The following ROR2 variants were observed in gnomAD, a reference collection of about 807,000 sequenced individuals.
ROR2 encodes the protein ROR family WNT receptor 2.
Under a neutral mutation model 74.9 loss-of-function variants are expected in ROR2, and 33 were observed. The observed-to-expected ratio is 0.44, with a 90% CI of 0.33 to 0.59. The LOEUF (loss-of-function observed/expected upper bound fraction) is 0.59, where lower values mean the gene tolerates loss of function less well. ROR2 is among the 20% of genes least tolerant of loss of function. The pLI, the probability that ROR2 is intolerant of heterozygous loss-of-function variation, is 0.02. For synonymous variants in ROR2, 586 were observed against 558.7 expected, an observed-to-expected ratio of 1.05 and a Z score of -0.69; for missense variants, 1,216 against 1,313.8, an observed-to-expected ratio of 0.93 and a Z score of 1.15.
rs553272801 is a variant in ROR2, at chr9:91,817,721, T to C, written c.98-41903A>G. Among the ~76,000 whole-genome samples the C allele has an allele frequency of 3.3e-5, 5 of 152,290 alleles. No homozygotes were observed. The East Asian group carries it at 5.8e-4, about 18-fold the overall frequency. On this transcript the variant is annotated intron_variant, in intron 1 of 8. Coordinates refer to ENST00000375708, the MANE Select transcript of ROR2 (RefSeq NM_004560.4). ...GCCACCTCGCCAATATGAGGCCCCA[T>C]CTGGTATCCATGGGAACGGAAAGAA...
chr9:91,868,341 T>TG (rs1829701804), intron 1 of ROR2, among the ~76,000 whole-genome samples: 1 of 152,114 alleles, frequency 6.6e-6, no homozygotes, highest in Admixed American at 6.5e-5. Context: ...AGATCACTTC[T>TG]GTGGGACAAA....
At chr9:91,900,800 T>C (rs1212488614) in intron 1 of ROR2, among the ~76,000 whole-genome samples, 1 of 152,146 alleles carries the variant, frequency 6.6e-6, no homozygotes, top group Non-Finnish European at 1.5e-5. Context: ...AACAGAGGCA[T>C]AGGTTCCAGC....
Position 91,722,646 on chromosome 9 carries a change from A to C in ROR2, c.*1016T>G, listed in dbSNP as rs1135169. 61,085 of 779,484 alleles carry C rather than the reference A, an allele frequency of 0.078. 2,935 individuals are homozygous for C. Among genetic ancestry groups the C allele is most frequent in the East Asian group, 0.14 (5,880 of 41,220 alleles). 48.3% of individuals were successfully genotyped at this position (779,484 alleles called of 1,614,324 possible). A position where few individuals can be genotyped will look rare whatever the true frequency, so the allele number is the denominator to read the frequency against. On this transcript the variant is annotated 3_prime_UTR_variant, in exon 9 of 9. Transcript: ENST00000375708. ...GATACACCGGGTGTGGGATTTACAA[A>C]TAGGACCAACAATGTGTGCGGGGCA...
intron 4 of ROR2, among the ~76,000 whole-genome samples, chr9:91,743,254 A>G (rs1825305175): frequency 2.6e-5 from 4 of 152,198 alleles, no homozygotes; most frequent in South Asian, 4.1e-4. Flanking sequence ...ACTCTGATAC[A>G]AATATCTAAC....
intron 2 of ROR2, among the ~76,000 whole-genome samples, chr9:91,759,707 T>A (rs1050550706): frequency 3.3e-5 from 5 of 152,106 alleles, no homozygotes; most frequent in Admixed American, 2.6e-4. Flanking sequence ...AGACTAGCAT[T>A]GAAAAGAATA....
rs1564225516 is a variant in ROR2, at chr9:91,722,879, CAT to C, written c.*781_*782del. 1.3e-5 allele frequency: 6 copies of C among 465,814 alleles called. No individual in the cohort carries two copies. The highest frequency in any genetic ancestry group is 2.3e-5 in the Non-Finnish European group (6 of 256,770). The allele number at this position is 465,814 out of a possible 1,614,324, so 28.9% of individuals were successfully genotyped here. ...ATATAAATTACATTTAAGCTCTGTA[CAT>C]GATTCTTAACAAAAATAACAATACC... On this transcript the variant is annotated 3_prime_UTR_variant, in exon 9 of 9. Coordinates refer to ENST00000375708, the MANE Select transcript of ROR2 (RefSeq NM_004560.4).
chr9:91,889,827 T>C (rs1419624792), intron 1 of ROR2, among the ~76,000 whole-genome samples: 2 of 152,054 alleles, frequency 1.3e-5, no homozygotes, highest in Admixed American at 6.6e-5. Context: ...GAGGGAGAAA[T>C]GATATTGTTT....
chr9:91,901,108 G>T (rs111398334), intron 1 of ROR2, among the ~76,000 whole-genome samples: 2 of 152,284 alleles, frequency 1.3e-5, no homozygotes, highest in African/African-American at 4.8e-5. Flanking sequence ...CTAGAGAAAA[G>T]AACTGTCTTG....
intron 1 of ROR2, among the ~76,000 whole-genome samples, chr9:91,849,288 G>C (rs1259031726): frequency 1.3e-5 from 2 of 152,200 alleles, no homozygotes; most frequent in African/African-American, 2.4e-5. Context: ...ATCAATCCAG[G>C]GGTGAGGAAA....
intron 2 of ROR2, among the ~76,000 whole-genome samples, chr9:91,769,898 C>A (rs768428887): frequency 6.6e-6 from 1 of 152,166 alleles, no homozygotes; most frequent in African/African-American, 2.4e-5. Flanking sequence ...AGACTCTGAG[C>A]GCCCAGCATG....
intron 2 of ROR2, among the ~76,000 whole-genome samples, chr9:91,774,939 G>A (rs534180719): frequency 1.3e-5 from 2 of 152,158 alleles, no homozygotes; most frequent in African/African-American, 2.4e-5. Context: ...CGGTTTCAGC[G>A]GGGCCTCCAT....
At chr9:91,846,580 G>C (rs1364942292) in intron 1 of ROR2, among the ~76,000 whole-genome samples, 1 of 152,154 alleles carries the variant, frequency 6.6e-6, no homozygotes, top group Non-Finnish European at 1.5e-5. Flanking sequence ...TTTCTGCAGA[G>C]AATTGAAGGT....
intron 1 of ROR2, among the ~76,000 whole-genome samples, chr9:91,871,946 C>T (rs1238947208): frequency 1.3e-5 from 2 of 152,076 alleles, no homozygotes; most frequent in African/African-American, 4.8e-5. Flanking sequence ...AGCATCTTAC[C>T]GCAGCCAGCA....
chr9:91,946,254 C>T (rs890506504), intron 1 of ROR2, among the ~76,000 whole-genome samples: 5 of 151,990 alleles, frequency 3.3e-5, no homozygotes, highest in Non-Finnish European at 7.3e-5. Flanking sequence ...ACCTTACATG[C>T]TTGGTATTCT....
intron 2 of ROR2, among the ~76,000 whole-genome samples, chr9:91,772,738 C>T (rs914518356): frequency 6.6e-6 from 1 of 152,164 alleles, no homozygotes; most frequent in Admixed American, 6.5e-5. Flanking sequence ...TGGGAACGCA[C>T]TGAACACACA....
intron 1 of ROR2, among the ~76,000 whole-genome samples, chr9:91,861,469 G>A (rs1829466706): frequency 6.6e-6 from 1 of 152,200 alleles, no homozygotes; most frequent in African/African-American, 2.4e-5. Flanking sequence ...TTTATGGCCA[G>A]CTGATTTTTG....
At chr9:91,743,977 A>G (rs1178420128) in intron 4 of ROR2, among the ~76,000 whole-genome samples, 1 of 152,238 alleles carries the variant, frequency 6.6e-6, no homozygotes, top group Non-Finnish European at 1.5e-5. Context: ...ATATTGTAGT[A>G]CATTCATACA....
chr9:91,756,820 G>A (rs567995079), intron 3 of ROR2, among the ~76,000 whole-genome samples: 4 of 141,940 alleles, frequency 2.8e-5, no homozygotes, highest in South Asian at 2.2e-4. Flanking sequence ...GCGTGATCTC[G>A]GCTCACTGCA....
rs750572863 is a variant in ROR2, at chr9:91,738,771, C to T, written c.495-1253G>A. ...GACGGCACAGACTGCATGTCACAGGCGTAGGAGGTCAGAAGAGGGAGAGAC... is the reference window on the plus strand; with the variant it reads ...GACGGCACAGACTGCATGTCACAGGTGTAGGAGGTCAGAAGAGGGAGAGAC... On this transcript the variant is annotated intron_variant, in intron 4 of 8. Coordinates refer to ENST00000375708, the MANE Select transcript of ROR2 (RefSeq NM_004560.4). 2.6e-5 allele frequency among the ~76,000 whole-genome samples: 4 copies of T among 152,184 alleles called. No individual in the cohort carries two copies. The South Asian group carries it at 8.3e-4, about 32-fold the overall frequency.
Sources: allele counts gnomAD v4.1 joint callset (sites outside exome capture counted in the v4.1 genomes callset), GRCh38; gene constraint gnomAD v4.1.1; transcripts MANE v1.5; gene names NCBI Gene and HGNC (gene_info 2026-07-23, HGNC 2026-07-21).